Variants in GRK3 observed in about 807,000 individuals in gnomAD.
The protein encoded by GRK3 is G protein-coupled receptor kinase 3.
A neutral mutation model predicts 95.7 loss-of-function variants in GRK3; 54 were observed. The ratio of observed to expected loss-of-function variants is 0.56; its 90% CI spans 0.45 to 0.71. GRK3 has a LOEUF of 0.71. Ranked by LOEUF, GRK3 falls within the 30% of genes least tolerant of loss-of-function variation. GRK3 has a pLI of 0.00. For missense variants in GRK3, 649 were observed against 851.2 expected, an observed-to-expected ratio of 0.76 and a Z score of 2.96; for synonymous variants, 281 against 290.8, an observed-to-expected ratio of 0.97 and a Z score of 0.34.
At chr22:25,679,451 T>C (rs1206182238) in intron 9 of GRK3, among the ~76,000 whole-genome samples, 5 of 152,268 alleles carry the variant, frequency 3.3e-5, no homozygotes, top group African/African-American at 9.6e-5. Flanking sequence ...TTTCTACTTA[T>C]TGGACACTTT....
intron 2 of GRK3, among the ~76,000 whole-genome samples, chr22:25,614,540 G>A (rs1028942508): frequency 6.6e-6 from 1 of 152,206 alleles, no homozygotes; most frequent in Non-Finnish European, 1.5e-5. Context: ...GTTTAAGACA[G>A]TGATGCTACC....
At chr22:25,634,624 A>G (rs2084687102) in intron 2 of GRK3, among the ~76,000 whole-genome samples, 1 of 152,238 alleles carries the variant, frequency 6.6e-6, no homozygotes, top group Non-Finnish European at 1.5e-5. Context: ...TGTTCTAGTT[A>G]AATTATATTA....
In GRK3 at chr22:25,729,054, C is replaced by T. The variant is rs1043786496; in HGVS notation, c.*6604C>T. 6.6e-6 allele frequency: 1 copy of T among 152,174 alleles called. No homozygotes were observed. The highest frequency in any genetic ancestry group is 2.4e-5 in the African/African-American group (1 of 41,444). The allele number at this position is 152,174 out of a possible 1,614,324, so 9.4% of individuals were successfully genotyped here. ...CTAGACAAAATATCATTGGTTCTAT[C>T]TCTTTTTGTATCTGTTGTGCCAGGG... On this transcript the variant is annotated 3_prime_UTR_variant, in exon 21 of 21. Transcript: ENST00000324198.
intron 3 of GRK3, among the ~76,000 whole-genome samples, chr22:25,644,888 A>G (rs1199808417): frequency 6.6e-6 from 1 of 152,212 alleles, no homozygotes; most frequent in Non-Finnish European, 1.5e-5. Context: ...TATGGAAGCA[A>G]TGAGGGACAG....
chr22:25,566,915 GC>G (rs200670472), intron 1 of GRK3, among the ~76,000 whole-genome samples: 7,616 of 151,040 alleles, frequency 0.05, 350 homozygotes, highest in African/African-American at 0.12. Context: ...TTTGGGGGGG[GC>G]TAGTATATAA....
At chr22:25,611,215 C>A (rs1328584630) in intron 2 of GRK3, among the ~76,000 whole-genome samples, 1 of 152,178 alleles carries the variant, frequency 6.6e-6, no homozygotes, top group African/African-American at 2.4e-5. Context: ...ATTATTTCCA[C>A]TTTTTGCCTG....
chr22:25,696,441 A>C (rs1414965086), intron 13 of GRK3, among the ~76,000 whole-genome samples: 1 of 152,248 alleles, frequency 6.6e-6, no homozygotes, highest in Non-Finnish European at 1.5e-5. Flanking sequence ...ATATGTTCTC[A>C]TATTAAACAC....
chr22:25,614,994 C>T (rs2084527118), intron 2 of GRK3, among the ~76,000 whole-genome samples: 1 of 152,208 alleles, frequency 6.6e-6, no homozygotes, highest in African/African-American at 2.4e-5. Context: ...CTCTGACATT[C>T]CAGTACTGAA....
chr22:25,694,882 T>G (rs575446099), intron 12 of GRK3, among the ~76,000 whole-genome samples: 1 of 152,328 alleles, frequency 6.6e-6, no homozygotes, highest in Admixed American at 6.5e-5. Flanking sequence ...TTTTACATAT[T>G]TATTTCATAC....
chr22:25,660,148 A>G (rs1025720362), intron 3 of GRK3, among the ~76,000 whole-genome samples: 2 of 152,220 alleles, frequency 1.3e-5, no homozygotes, highest in African/African-American at 2.4e-5. Context: ...GAATCAGCCA[A>G]GCCAAAAATC....
intron 13 of GRK3, among the ~76,000 whole-genome samples, chr22:25,702,324 A>G (rs1254838718): frequency 6.6e-6 from 1 of 152,250 alleles, no homozygotes; most frequent in African/African-American, 2.4e-5. Context: ...AGTGCAAGAT[A>G]AGTGGCATTT....
intron 3 of GRK3, among the ~76,000 whole-genome samples, chr22:25,656,460 G>C (rs913151960): frequency 6.6e-6 from 1 of 151,886 alleles, no homozygotes; most frequent in Non-Finnish European, 1.5e-5. Context: ...TAGATAACAG[G>C]GTGTACCACC....
At chr22:25,590,252 C>G (rs908696346) in intron 1 of GRK3, among the ~76,000 whole-genome samples, 18 of 150,576 alleles carry the variant, frequency 1.2e-4, no homozygotes, top group African/African-American at 4.4e-4. Context: ...AATGCCACTG[C>G]GAAAAAAATG....
intron 7 of GRK3, among the ~76,000 whole-genome samples, chr22:25,674,029 A>T (rs1472785449): frequency 6.6e-6 from 1 of 152,132 alleles, no homozygotes; most frequent in Admixed American, 6.5e-5. Context: ...CAACTCTGAC[A>T]GTTCTCGGAA....
At chr22:25,699,982 GC>G (rs2085245260) in intron 13 of GRK3, among the ~76,000 whole-genome samples, 3 of 152,288 alleles carry the variant, frequency 2.0e-5, no homozygotes, top group Admixed American at 1.3e-4. Context: ...ACAGGCGTGA[GC>G]CCCCGCGCCC....
intron 1 of GRK3, among the ~76,000 whole-genome samples, chr22:25,603,164 G>T (rs186766362): frequency 2.0e-5 from 3 of 152,008 alleles, no homozygotes; most frequent in African/African-American, 7.2e-5. Context: ...TGATTCACTC[G>T]CCTCGGCCTC....
chr22:25,607,753 T>A (rs1255399207), intron 2 of GRK3, among the ~76,000 whole-genome samples: 1 of 151,732 alleles, frequency 6.6e-6, no homozygotes, highest in Non-Finnish European at 1.5e-5. Context: ...ATTTTTTTTT[T>A]TTTTTTCAGT....
At chr22:25,588,737 T>C (rs1932399860) in intron 1 of GRK3, among the ~76,000 whole-genome samples, 1 of 152,086 alleles carries the variant, frequency 6.6e-6, no homozygotes, top group African/African-American at 2.4e-5. Context: ...TCAGTAATGG[T>C]AACAATTCTC....
chr22:25,712,382 A>G (rs2085350966), intron 17 of GRK3, among the ~76,000 whole-genome samples: 1 of 152,258 alleles, frequency 6.6e-6, no homozygotes, highest in African/African-American at 2.4e-5. Flanking sequence ...TGTCAGGTAT[A>G]TGAGTATACA....
Sources: allele counts gnomAD v4.1 joint callset (sites outside exome capture counted in the v4.1 genomes callset), GRCh38; gene constraint gnomAD v4.1.1; transcripts MANE v1.5; gene names NCBI Gene and HGNC (gene_info 2026-07-23, HGNC 2026-07-21).